Variants in IL1RL2 observed in about 807,000 individuals in gnomAD.
IL1RL2 encodes interleukin 1 receptor like 2.
A neutral mutation model predicts 66.8 loss-of-function variants in IL1RL2; 68 were observed. That is an observed-to-expected ratio of 1.02 (90% CI 0.84 to 1.25). IL1RL2 has a LOEUF of 1.25. Among genes scored for constraint, IL1RL2 ranks in the 50% most tolerant of loss-of-function variants. The pLI, the probability that IL1RL2 is intolerant of heterozygous loss-of-function variation, is 0.00. For missense variants in IL1RL2, 729 were observed against 709.3 expected, an observed-to-expected ratio of 1.03 and a Z score of -0.32; for synonymous variants, 305 against 264.6, an observed-to-expected ratio of 1.15 and a Z score of -1.48.
At chr2:102,238,467 T>A (rs568802559) in intron 11 of IL1RL2, among the ~76,000 whole-genome samples, 72 of 152,294 alleles carry the variant, frequency 4.7e-4, no homozygotes, top group Admixed American at 4.3e-3. Context: ...TGGAATGTGC[T>A]CAGGGAGCCT....
chr2:102,229,155 T>A (rs1277778260), intron 9 of IL1RL2, among the ~76,000 whole-genome samples: 1 of 152,216 alleles, frequency 6.6e-6, no homozygotes, highest in Admixed American at 6.5e-5. Context: ...TGAATAATCT[T>A]TAGACAGTAT....
At chr2:102,201,800 G>A in intron 5 of IL1RL2, 85 bp downstream of exon 5, 2 of 1,329,308 alleles carry the variant, frequency 1.5e-6, no homozygotes, top group South Asian at 2.6e-5. Context: ...TGGGCTTTGA[G>A]CAGGAGTGAT....
rs758872314 is a variant in IL1RL2 at position 102,235,280 on chromosome 2, G to A, written c.1678+3G>A. On this transcript the variant is annotated splice_donor_region_variant and intron_variant, in intron 11 of 11. Coordinates refer to ENST00000264257, the MANE Select transcript of IL1RL2 (RefSeq NM_003854.4). ...CACACCTTGCTACCGCACCGCAGGT[G>A]AGCGGGTGGGAGGACACGAGGTTTG... is the stretch of plus-strand genomic sequence containing the variant. 9.3e-6 allele frequency: 15 copies of A among 1,610,602 alleles called. No individual in the cohort carries two copies. The highest frequency in any genetic ancestry group is 1.3e-5 in the Non-Finnish European group (15 of 1,178,208).
At chr2:102,219,691 G>C (rs1369590422) in intron 7 of IL1RL2, among the ~76,000 whole-genome samples, 190 bp from the exon 8 acceptor site, 2 of 152,160 alleles carry the variant, frequency 1.3e-5, no homozygotes, top group Non-Finnish European at 2.9e-5. Context: ...TTGTCACCAT[G>C]CAGAAGAAAA....
chr2:102,187,805 G>T, intron 1 of IL1RL2, 51 bp from the exon 2 acceptor site: 1 of 1,501,906 alleles, frequency 6.7e-7, no homozygotes. Context: ...CGGCGCCTCG[G>T]GCCCGCCCTA....
chr2:102,210,931 A>T, intron 5 of IL1RL2, among the ~76,000 whole-genome samples: 1 of 152,160 alleles, frequency 6.6e-6, no homozygotes, highest in Non-Finnish European at 1.5e-5. Flanking sequence ...TAGGAAAATA[A>T]TGGAAAATAG....
At chr2:102,208,419 G>A (rs1390778211) in intron 5 of IL1RL2, among the ~76,000 whole-genome samples, 1 of 152,236 alleles carries the variant, frequency 6.6e-6, no homozygotes, top group Non-Finnish European at 1.5e-5. Flanking sequence ...GGCATTCAAT[G>A]CCCAGGCCAG....
intron 9 of IL1RL2, among the ~76,000 whole-genome samples, chr2:102,228,100 CTT>C (rs1448484393): frequency 6.6e-6 from 1 of 152,072 alleles, no homozygotes; most frequent in Admixed American, 6.5e-5. Context: ...GCCAGGGGTC[CTT>C]TTTTTCTTTA....
At chr2:102,236,305 C>T (rs3821205) in intron 11 of IL1RL2, among the ~76,000 whole-genome samples, 49,466 of 151,836 alleles carry the variant, frequency 0.33, 8,699 homozygotes, top group Middle Eastern at 0.43. Flanking sequence ...CCGGCAGGGG[C>T]GAGAGAGGGA....
chr2:102,241,399 G>C (rs1177987168), downstream of IL1RL2, among the ~76,000 whole-genome samples: 1 of 152,298 alleles, frequency 6.6e-6, no homozygotes, highest in Non-Finnish European at 1.5e-5. Flanking sequence ...CTTGCTGAGG[G>C]AGTATGCTAG....
At chr2:102,227,657 G>A (rs1239589437) in intron 9 of IL1RL2, among the ~76,000 whole-genome samples, 1 of 152,068 alleles carries the variant, frequency 6.6e-6, no homozygotes, top group Admixed American at 6.6e-5. Flanking sequence ...TTGCGTCTTT[G>A]AGAAGAAGAC....
intron 9 of IL1RL2, among the ~76,000 whole-genome samples, chr2:102,228,357 C>A (rs115379940): frequency 5.9e-5 from 9 of 152,096 alleles, no homozygotes; most frequent in Non-Finnish European, 7.3e-5. Flanking sequence ...TAATGTCCTT[C>A]GTAGGATAAG....
intron 5 of IL1RL2, 98 bp downstream of exon 5, chr2:102,201,813 T>A: frequency 8.5e-7 from 1 of 1,172,388 alleles, no homozygotes; most frequent in Non-Finnish European, 1.2e-6. Flanking sequence ...GGAGTGATTC[T>A]AGGTCTTGGT....
At chr2:102,235,426 T>G (rs1162506240) in intron 11 of IL1RL2, 149 bp downstream of exon 11, 12 of 1,444,384 alleles carry the variant, frequency 8.3e-6, no homozygotes, top group Non-Finnish European at 1.8e-6. Context: ...TCTGTTGTGT[T>G]TGTTGTCATT....
At chr2:102,215,441 G>C (rs1198255172) in intron 6 of IL1RL2, among the ~76,000 whole-genome samples, 1 of 152,068 alleles carries the variant, frequency 6.6e-6, no homozygotes, top group Non-Finnish European at 1.5e-5. Context: ...CTGTGATCCT[G>C]GTTCCCAAAT....
At chr2:102,233,254 C>T in intron 10 of IL1RL2, 130 bp downstream of exon 10, 4 of 895,876 alleles carry the variant, frequency 4.5e-6, no homozygotes, top group Non-Finnish European at 3.3e-6. Flanking sequence ...ATGACCAGCG[C>T]CCCCTGCCCG....
rs1396900947 is a variant in IL1RL2 at position 102,218,741 on chromosome 2, C to T, written c.725-212C>T. ...TGATGTTTGGTAATGCATGTGTGTC[C>T]CTTTACAATGGTTGTCCTGGAAGGC... On this transcript the variant is annotated intron_variant, in intron 6 of 11. Coordinates refer to ENST00000264257, the MANE Select transcript of IL1RL2 (RefSeq NM_003854.4). Among the ~76,000 whole-genome samples, 3 of 152,002 alleles carry T rather than the reference C, an allele frequency of 2.0e-5. No individual in the cohort carries two copies. The East Asian group carries it at 5.8e-4, about 29-fold the overall frequency.
chr2:102,235,098 C>T lies in IL1RL2; in HGVS notation c.1499C>T (p.Ser500Leu). The T allele has an allele frequency of 6.2e-7, 1 of 1,614,178 alleles. No homozygotes were observed. Among genetic ancestry groups the T allele is most frequent in the African/African-American group, 1.3e-5 (1 of 75,042 alleles). The change falls in exon 11 of 12, where the codon TCA becomes TTA. Residue 500 changes from serine (S) to leucine (L), a missense_variant. Ser to Leu is a moderately radical substitution (Grantham distance 145). Transcript: ENST00000264257. ...GAGGACTACACAGTCATGCCAGAGT[C>T]AATTCAGTACATCAAACAGAAGCAT... ...KIEDYTVMPE[S>L]IQYIKQKHGA...
At chr2:102,228,894 G>A (rs1578188476) in intron 9 of IL1RL2, among the ~76,000 whole-genome samples, 2 of 152,310 alleles carry the variant, frequency 1.3e-5, no homozygotes. Flanking sequence ...CCCCCACAGG[G>A]AGTCCTCATT....
Sources: allele counts gnomAD v4.1 joint callset (sites outside exome capture counted in the v4.1 genomes callset), GRCh38; gene constraint gnomAD v4.1.1; transcripts MANE v1.5; gene names NCBI Gene and HGNC (gene_info 2026-07-23, HGNC 2026-07-21).